Variants in MCPH1 observed in about 807,000 individuals in gnomAD.
The protein encoded by MCPH1 is microcephalin.
Under a neutral mutation model 84.5 loss-of-function variants are expected in MCPH1, and 104 were observed. The ratio of observed to expected loss-of-function variants is 1.23; its 90% CI spans 1.05 to 1.45. The LOEUF (loss-of-function observed/expected upper bound fraction) is 1.45, where lower values mean the gene tolerates loss of function less well. Among genes scored for constraint, MCPH1 ranks in the 40% most tolerant of loss-of-function variants. The probability of loss-of-function intolerance (pLI) is 0.00; values close to 1 mark genes in which losing one functional copy is unlikely to be tolerated. For missense variants in MCPH1, 1,498 were observed against 1,005.7 expected (o/e 1.49, Z -6.62); for synonymous variants, 514 against 366.8 (o/e 1.40, Z -4.58).
At chr8:6,604,768 G>A (rs1022244403) in intron 12 of MCPH1, among the ~76,000 whole-genome samples, 2 of 152,234 alleles carry the variant, frequency 1.3e-5, no homozygotes, top group Non-Finnish European at 2.9e-5. Context: ...GCCTCCCAAA[G>A]TGCTGGGATT....
rs527308655 is a variant in MCPH1, at chr8:6,647,452, G to A, written c.*4403G>A. On this transcript the variant is annotated 3_prime_UTR_variant, in exon 14 of 14. Transcript: ENST00000344683. ...TATAACCAAAATACATGAAAACATG[G>A]ATCTGCACAAGGTCTTGTATACAAA... The A allele has an allele frequency of 2.0e-5, 3 of 152,134 alleles. No homozygotes were observed. Among genetic ancestry groups the A allele is most frequent in the African/African-American group, 7.2e-5 (3 of 41,432 alleles). The allele number at this position is 152,134 out of a possible 1,614,324, so 9.4% of individuals were successfully genotyped here. A position where few individuals can be genotyped will look rare whatever the true frequency, so the allele number is the denominator to read the frequency against.
Position 6,629,384 on chromosome 8 carries a change from C to T in MCPH1, c.2452+7693C>T, listed in dbSNP as rs114491442. ...GGCTGAGGCAGGAGAATCCCTTGAA[C>T]ACAAGAGGCGGAGGCTGCAGTTAGT... is the stretch of plus-strand genomic sequence containing the variant. On this transcript the variant is annotated intron_variant, in intron 13 of 13. Coordinates refer to ENST00000344683, the MANE Select transcript of MCPH1 (RefSeq NM_024596.5). 9.9e-3 allele frequency among the ~76,000 whole-genome samples: 1,511 copies of T among 152,330 alleles called. 28 individuals carry two copies. Among genetic ancestry groups the T allele is most frequent in the African/African-American group, 0.035 (1,456 of 41,564 alleles).
intron 11 of MCPH1, among the ~76,000 whole-genome samples, chr8:6,491,381 T>TC (rs1810564635): frequency 6.6e-6 from 1 of 150,842 alleles, no homozygotes; most frequent in African/African-American, 2.4e-5. Context: ...TCTTTCTTTT[T>TC]TTTTTTTTTT....
At chr8:6,606,422 G>C (rs112046247) in intron 12 of MCPH1, among the ~76,000 whole-genome samples, 1 of 152,140 alleles carries the variant, frequency 6.6e-6, no homozygotes, top group African/African-American at 2.4e-5. Flanking sequence ...TTGAGTAAAG[G>C]CTTCATTTAA....
chr8:6,578,170 G>A (rs1196782837), intron 12 of MCPH1, among the ~76,000 whole-genome samples: 2 of 152,238 alleles, frequency 1.3e-5, no homozygotes, highest in Non-Finnish European at 2.9e-5. Flanking sequence ...TGGTCTATGA[G>A]AGGAATAAGC....
chr8:6,498,731 T>C (rs1234849752), intron 11 of MCPH1, among the ~76,000 whole-genome samples: 1 of 152,218 alleles, frequency 6.6e-6, no homozygotes, highest in East Asian at 1.9e-4. Context: ...ATTTTAACCT[T>C]TTATTTTCTG....
chr8:6,571,324 T>C (rs1263595859), intron 12 of MCPH1, among the ~76,000 whole-genome samples: 3 of 152,196 alleles, frequency 2.0e-5, no homozygotes, highest in African/African-American at 7.2e-5. Context: ...TTAAGTCAAA[T>C]AAAGTATTTC....
At chr8:6,501,149 G>C (rs1812101767) in intron 12 of MCPH1, 1 of 152,240 alleles carries the variant, frequency 6.6e-6, no homozygotes, top group Admixed American at 6.5e-5. Context: ...TGTTGGAAAA[G>C]TGCACCTTGG....
chr8:6,505,327 A>ATT (rs1253464973), intron 12 of MCPH1, among the ~76,000 whole-genome samples: 1 of 56,846 alleles, frequency 1.8e-5, no homozygotes, highest in African/African-American at 9.8e-5. Context: ...TATGTTATAT[A>ATT]CATATAGAAA....
intron 12 of MCPH1, among the ~76,000 whole-genome samples, chr8:6,600,295 A>T (rs573914637): frequency 3.0e-4 from 45 of 152,354 alleles, no homozygotes; most frequent in African/African-American, 1.1e-3. Context: ...CAAGGGAGAG[A>T]GGGTCCCCAG....
At chr8:6,621,862 C>T (rs776233924) in intron 13 of MCPH1, among the ~76,000 whole-genome samples, 171 bp downstream of exon 13, 19 of 151,962 alleles carry the variant, frequency 1.3e-4, no homozygotes, top group Non-Finnish European at 2.2e-4. Context: ...TCGGCATTCC[C>T]GCTCCTTGCT....
chr8:6,462,037 A>G (rs1397457501), intron 9 of MCPH1, among the ~76,000 whole-genome samples: 1 of 152,214 alleles, frequency 6.6e-6, no homozygotes, highest in Middle Eastern at 3.2e-3. Flanking sequence ...ATCTCTGCCA[A>G]TCCAGCTTGT....
intron 9 of MCPH1, among the ~76,000 whole-genome samples, chr8:6,460,329 T>C (rs185453111): frequency 2.0e-5 from 3 of 152,304 alleles, no homozygotes; most frequent in East Asian, 3.9e-4. Flanking sequence ...TAAATCCATA[T>C]ACTGAGTTTT....
chr8:6,477,572 C>G, intron 9 of MCPH1, 22 bp from the exon 10 acceptor site: 1 of 1,606,894 alleles, frequency 6.2e-7, no homozygotes, highest in Non-Finnish European at 8.5e-7. Context: ...GTTTTTTGTT[C>G]CTTCTTGTTT....
chr8:6,522,711 T>C (rs113969115), intron 12 of MCPH1, among the ~76,000 whole-genome samples: 11,191 of 149,038 alleles, frequency 0.075, 492 homozygotes, highest in African/African-American at 0.12. Context: ...GAGGTGGAGG[T>C]TGCAGTGAGC....
chr8:6,490,577 C>G (rs1810448793), intron 11 of MCPH1, among the ~76,000 whole-genome samples: 1 of 152,120 alleles, frequency 6.6e-6, no homozygotes, highest in African/African-American at 2.4e-5. Context: ...TTTTAGGAAA[C>G]TGTTGTACTT....
intron 12 of MCPH1, among the ~76,000 whole-genome samples, chr8:6,503,562 C>G (rs1469120239): frequency 6.6e-6 from 1 of 152,214 alleles, no homozygotes; most frequent in Non-Finnish European, 1.5e-5. Context: ...TGTGTACACA[C>G]TTACAGCAGG....
chr8:6,566,511 C>T (rs543269721), intron 12 of MCPH1, among the ~76,000 whole-genome samples: 32 of 152,268 alleles, frequency 2.1e-4, no homozygotes, highest in South Asian at 8.3e-4. Flanking sequence ...GGAGAGTGCA[C>T]ACAGTACAGT....
At chr8:6,440,184 A>G (rs1293665705) in intron 6 of MCPH1, among the ~76,000 whole-genome samples, 1 of 152,086 alleles carries the variant, frequency 6.6e-6, no homozygotes, top group Non-Finnish European at 1.5e-5. Flanking sequence ...TTTCCCAGTT[A>G]TTAGAAATTG....
Sources: allele counts gnomAD v4.1 joint callset (sites outside exome capture counted in the v4.1 genomes callset), GRCh38; gene constraint gnomAD v4.1.1; transcripts MANE v1.5; gene names NCBI Gene and HGNC (gene_info 2026-07-23, HGNC 2026-07-21).